ACTL8: variants seen among roughly 807,000 people sequenced by gnomAD.
The protein encoded by ACTL8 is actin-like protein 8.
A neutral mutation model predicts 9.3 loss-of-function variants in ACTL8; 3 were observed. That is an observed-to-expected ratio of 0.32 (90% confidence interval 0.15 to 0.83). ACTL8 has a LOEUF of 0.83. Among genes scored for constraint, ACTL8 ranks in the 40% least tolerant of loss-of-function variants. The pLI is 0.57. For synonymous variants in ACTL8, 224 were observed against 205.9 expected, an observed-to-expected ratio of 1.09 and a Z score of -0.75; for missense variants, 381 against 492.2, an observed-to-expected ratio of 0.77 and a Z score of 2.14.
At chr1:17,777,707 G>A (rs1404428330) in intron 1 of ACTL8, among the ~76,000 whole-genome samples, 1 of 152,170 alleles carries the variant, frequency 6.6e-6, no homozygotes, top group Admixed American at 6.5e-5. Context: ...GAGGCCGGCT[G>A]CCTTTTGTTT....
At chr1:17,757,981 G>A (rs1443892431) in intron 1 of ACTL8, among the ~76,000 whole-genome samples, 2 of 152,164 alleles carry the variant, frequency 1.3e-5, no homozygotes, top group Non-Finnish European at 2.9e-5. Flanking sequence ...CGCAATGTTG[G>A]ACTGCATGTA....
At chr1:17,825,641 G>GC (rs1557450393) in intron 2 of ACTL8, 126 bp from the exon 3 acceptor site, 1 of 1,243,134 alleles carries the variant, frequency 8.0e-7, no homozygotes. Flanking sequence ...AGCTCCAGGG[G>GC]CCCTGGGCGC....
rs532433920 is a variant in ACTL8, at chr1:17,808,666, G to A, written c.-24-14319G>A. 1.9e-4 allele frequency among the ~76,000 whole-genome samples: 29 copies of A among 152,330 alleles called. No homozygotes were observed. In the South Asian group the frequency reaches 4.1e-3, roughly 22 times the overall value. On this transcript the variant is annotated intron_variant, in intron 1 of 2. Coordinates refer to ENST00000375406, the MANE Select transcript of ACTL8 (RefSeq NM_030812.3). ...ACCCAGTGCCTGGTTCTTAGTAAGC[G>A]TGCTCAGCAAGGATTCTGGATTCAT...
intron 1 of ACTL8, among the ~76,000 whole-genome samples, chr1:17,801,689 G>A (rs560679193): frequency 6.6e-6 from 1 of 152,132 alleles, no homozygotes; most frequent in East Asian, 1.9e-4. Flanking sequence ...ACCTAGAAGT[G>A]AAAGTAAATG....
intron 1 of ACTL8, among the ~76,000 whole-genome samples, chr1:17,816,125 C>A (rs540352752): frequency 1.3e-5 from 2 of 151,758 alleles, no homozygotes; most frequent in Non-Finnish European, 2.9e-5. Flanking sequence ...TTACTGTCAG[C>A]GAATTTGAAA....
rs2066058513 is a variant in ACTL8, at chr1:17,768,120, C to T, written c.-25+12616C>T. 1.6e-5 allele frequency among the ~76,000 whole-genome samples: 2 copies of T among 126,914 alleles called. 1 individual carries two copies. The highest frequency in any genetic ancestry group is 5.4e-4 in the South Asian group (2 of 3,736). The allele number at this position is 126,914 out of a possible 152,430, so 83.3% of individuals were successfully genotyped here. A position where few individuals can be genotyped will look rare whatever the true frequency, so the allele number is the denominator to read the frequency against. The stretch of plus-strand genomic sequence containing the variant: ...TTGTATCTGAAGTTGGGCCAAAAGA[C>T]TGGCTGGGAAAAGGTGGGAACCCAG... On this transcript the variant is annotated intron_variant, in intron 1 of 2. Coordinates refer to ENST00000375406, the MANE Select transcript of ACTL8 (RefSeq NM_030812.3).
rs59143238 is a variant in ACTL8, at chr1:17,800,583, C to CTTTT, written c.-24-22378_-24-22375dup. Among the ~76,000 whole-genome samples, 33 of 69,154 alleles carry CTTTT rather than the reference C, an allele frequency of 4.8e-4. 2 individuals are homozygous for CTTTT. The highest frequency in any genetic ancestry group is 1.7e-3 in the African/African-American group (26 of 15,484). The allele number at this position is 69,154 out of a possible 152,430, so 45.4% of individuals were successfully genotyped here. On this transcript the variant is annotated intron_variant, in intron 1 of 2. Coordinates refer to ENST00000375406, the MANE Select transcript of ACTL8 (RefSeq NM_030812.3). ...CAAACTTCCTTGCCTTGGTGTCAAT[C>CTTTT]TTTTTTTTTTTTTTTTTTTTTTTTT...
intron 1 of ACTL8, among the ~76,000 whole-genome samples, chr1:17,787,279 T>G (rs2066204579): frequency 6.6e-6 from 1 of 152,200 alleles, no homozygotes; most frequent in Non-Finnish European, 1.5e-5. Flanking sequence ...TGCATTCTTT[T>G]TTTTTGAGAC....
intron 1 of ACTL8, among the ~76,000 whole-genome samples, chr1:17,758,264 T>C (rs2065980208): frequency 6.6e-6 from 1 of 152,128 alleles, no homozygotes. Context: ...TTGGAGAGGG[T>C]AGCAGGAATG....
At chr1:17,787,420 C>G (rs765868743) in intron 1 of ACTL8, among the ~76,000 whole-genome samples, 2 of 152,116 alleles carry the variant, frequency 1.3e-5, no homozygotes, top group African/African-American at 2.4e-5. Flanking sequence ...TGTGCCACCA[C>G]GCCCAGCTAA....
intron 1 of ACTL8, among the ~76,000 whole-genome samples, chr1:17,783,532 C>A (rs1451024660): frequency 3.9e-5 from 6 of 152,170 alleles, no homozygotes; most frequent in South Asian, 2.1e-4. Context: ...GTGTTCCATG[C>A]CGGACTAGAA....
At chr1:17,763,309 A>G (rs368553530) in intron 1 of ACTL8, among the ~76,000 whole-genome samples, 3 of 152,048 alleles carry the variant, frequency 2.0e-5, no homozygotes, top group African/African-American at 7.2e-5. Flanking sequence ...AGCTGGCCCA[A>G]CGCTCCTCTG....
chr1:17,778,704 C>T (rs2066133142), intron 1 of ACTL8, among the ~76,000 whole-genome samples: 1 of 152,134 alleles, frequency 6.6e-6, no homozygotes, highest in Non-Finnish European at 1.5e-5. Context: ...AGGAAGAGGA[C>T]TGACTAGAGA....
At chr1:17,779,565 CA>C (rs2066140151) in intron 1 of ACTL8, among the ~76,000 whole-genome samples, 1 of 152,162 alleles carries the variant, frequency 6.6e-6, no homozygotes, top group South Asian at 2.1e-4. Context: ...TTAAAATACC[CA>C]AGTCTGGTTC....
At chr1:17,816,210 T>TG (rs1557446526) in intron 1 of ACTL8, among the ~76,000 whole-genome samples, 2 of 151,808 alleles carry the variant, frequency 1.3e-5, no homozygotes, top group Non-Finnish European at 2.9e-5. Flanking sequence ...CTTTTTTTTT[T>TG]TTTTTTGAGA....
At chr1:17,760,150 G>A (rs2065991391) in intron 1 of ACTL8, among the ~76,000 whole-genome samples, 1 of 152,138 alleles carries the variant, frequency 6.6e-6, no homozygotes, top group African/African-American at 2.4e-5. Flanking sequence ...ATATCTCTTG[G>A]ATAAATACCT....
In ACTL8 at chr1:17,767,324, C is replaced by T. The variant is rs369739026; in HGVS notation, c.-25+11820C>T. On this transcript the variant is annotated intron_variant, in intron 1 of 2. Coordinates refer to ENST00000375406, the MANE Select transcript of ACTL8 (RefSeq NM_030812.3). The surrounding 1 kb of genome is among the most constrained non-coding windows in gnomAD (Gnocchi z 4.7). ...CCGACTTCGCTGCTGGAGACAGAGC[C>T]GGGGGATGAGGCGGAGGCAGGGGGG... 6.6e-6 allele frequency among the ~76,000 whole-genome samples: 1 copy of T among 151,572 alleles called. No homozygotes were observed. The highest frequency in any genetic ancestry group is 1.5e-5 in the Non-Finnish European group (1 of 67,860).
At chr1:17,816,494 G>A (rs1178995388) in intron 1 of ACTL8, among the ~76,000 whole-genome samples, 1 of 152,218 alleles carries the variant, frequency 6.6e-6, no homozygotes, top group Non-Finnish European at 1.5e-5. Flanking sequence ...GTGAGCCTCT[G>A]TGCCCAGCCT....
chr1:17,763,028 C>T (rs1375131091), intron 1 of ACTL8, among the ~76,000 whole-genome samples: 1 of 152,102 alleles, frequency 6.6e-6, no homozygotes, highest in African/African-American at 2.4e-5. Flanking sequence ...GCTTACCTTG[C>T]CGTGGCAAGT....
Sources: allele counts gnomAD v4.1 joint callset (sites outside exome capture counted in the v4.1 genomes callset), GRCh38; gene constraint gnomAD v4.1.1; non-coding constraint Gnocchi (gnomAD v3.1); transcripts MANE v1.5; gene names NCBI Gene and HGNC (gene_info 2026-07-23, HGNC 2026-07-21).